Variants in PRKCH observed in about 807,000 individuals in gnomAD.
The protein encoded by PRKCH is protein kinase C eta type.
PRKCH carries 28 observed loss-of-function variants against 82.5 expected under a neutral mutation model. That is an observed-to-expected ratio of 0.34 (90% CI 0.25 to 0.47). The LOEUF is 0.47. PRKCH is among the 20% of genes least tolerant of loss of function. PRKCH has a pLI of 1.00. For synonymous variants in PRKCH, 322 were observed against 327.4 expected (o/e 0.98, Z 0.18); for missense variants, 705 against 881.8 (o/e 0.80, Z 2.54).
chr14:61,323,893 G>T (rs1050387772), intron 1 of PRKCH, among the ~76,000 whole-genome samples: 1 of 152,234 alleles, frequency 6.6e-6, no homozygotes, highest in Non-Finnish European at 1.5e-5. Flanking sequence ...CTGATTAGGA[G>T]TTAGGTCGGG....
At chr14:61,330,342 G>A (rs1167895395) in intron 1 of PRKCH, among the ~76,000 whole-genome samples, 1 of 152,166 alleles carries the variant, frequency 6.6e-6, no homozygotes, top group Non-Finnish European at 1.5e-5. Context: ...TTCCCAGAGG[G>A]ACATCGCAGA....
rs73320032 is a variant in PRKCH at position 61,418,404 on chromosome 14, T to C, written c.428-24707T>C. 1.7e-3 allele frequency among the ~76,000 whole-genome samples: 262 copies of C among 152,306 alleles called. 1 individual carries two copies. The highest frequency in any genetic ancestry group is 6.1e-3 in the African/African-American group (252 of 41,552). The stretch of plus-strand genomic sequence containing the variant: ...TAAATTTTAGCACGATGTGTAATGA[T>C]TAATGCACAGAGGATCTTTGGAATC... On this transcript the variant is annotated intron_variant, in intron 2 of 13. Coordinates refer to ENST00000332981, the MANE Select transcript of PRKCH (RefSeq NM_006255.5).
intron 1 of PRKCH, among the ~76,000 whole-genome samples, chr14:61,381,694 G>T (rs770920654): frequency 2.0e-5 from 3 of 152,352 alleles, no homozygotes; most frequent in Non-Finnish European, 4.4e-5. Flanking sequence ...CCATCCAGCG[G>T]CACATCAGGC....
chr14:61,308,803 A>G (rs1341977024), intron 1 of PRKCH, among the ~76,000 whole-genome samples: 1 of 149,372 alleles, frequency 6.7e-6, no homozygotes. Flanking sequence ...CTAGTTTTAA[A>G]TTTTTTGTAG....
At chr14:61,209,255 A>T (rs1490287286) in intron 1 of PRKCH, among the ~76,000 whole-genome samples, 1 of 147,512 alleles carries the variant, frequency 6.8e-6, no homozygotes, top group East Asian at 2.1e-4. Context: ...TAAATTACCC[A>T]GCCTGTGGTA....
At chr14:61,387,604 TATCTAAGCAAC>T (rs1402014948) in intron 1 of PRKCH, among the ~76,000 whole-genome samples, 1 of 151,960 alleles carries the variant, frequency 6.6e-6, no homozygotes, top group Non-Finnish European at 1.5e-5. Context: ...CACTGGGGGG[TATCTAAGCAAC>T]TACCGTGAAT....
intron 4 of PRKCH, among the ~76,000 whole-genome samples, chr14:61,448,746 G>A (rs1884347489): frequency 6.6e-6 from 1 of 152,198 alleles, no homozygotes; most frequent in Non-Finnish European, 1.5e-5. Flanking sequence ...GTTTTTACTG[G>A]AACAAGTAGA....
intron 10 of PRKCH, among the ~76,000 whole-genome samples, chr14:61,501,271 G>C (rs751881181): frequency 4.6e-5 from 7 of 152,076 alleles, no homozygotes; most frequent in South Asian, 4.1e-4. Flanking sequence ...TTACTTGAAA[G>C]ACAGATTCCA....
intron 1 of PRKCH, among the ~76,000 whole-genome samples, chr14:61,356,591 C>T (rs527410747): frequency 3.9e-5 from 6 of 152,188 alleles, no homozygotes; most frequent in African/African-American, 1.4e-4. Context: ...TGAACTGCAG[C>T]AGTAGTGTTA....
chr14:61,231,324 A>T (rs1482712270), intron 1 of PRKCH, among the ~76,000 whole-genome samples: 1 of 152,090 alleles, frequency 6.6e-6, no homozygotes. Context: ...AGTGCTTGGT[A>T]ACTGATCAAT....
intron 1 of PRKCH, chr14:61,306,839 A>T (rs1377997277): frequency 1.3e-5 from 2 of 152,218 alleles, no homozygotes; most frequent in Non-Finnish European, 2.9e-5. Flanking sequence ...TAGTTTGTTG[A>T]AGTTCCTTTA....
intron 1 of PRKCH, among the ~76,000 whole-genome samples, chr14:61,333,287 G>A (rs2045813237): frequency 6.6e-6 from 1 of 152,154 alleles, no homozygotes; most frequent in African/African-American, 2.4e-5. Context: ...ATGCACATAT[G>A]TGCATATTGA....
intron 1 of PRKCH, among the ~76,000 whole-genome samples, chr14:61,192,737 GCT>G (rs2044414565): frequency 6.6e-6 from 1 of 152,212 alleles, no homozygotes; most frequent in Non-Finnish European, 1.5e-5. Context: ...TGGCCATTTG[GCT>G]AAGGCCAACC....
intron 1 of PRKCH, among the ~76,000 whole-genome samples, chr14:61,377,722 A>G (rs181328269): frequency 6.6e-6 from 1 of 152,320 alleles, no homozygotes; most frequent in Admixed American, 6.5e-5. Context: ...TAGGATACCC[A>G]GGCCCCAAAC....
chr14:61,526,050 A>G (rs1361673657), intron 10 of PRKCH, among the ~76,000 whole-genome samples: 3 of 152,228 alleles, frequency 2.0e-5, no homozygotes, highest in Non-Finnish European at 2.9e-5. Context: ...AAGAACTGAG[A>G]GTGGTGGCCT....
At chr14:61,502,036 C>G (rs1886930945) in intron 10 of PRKCH, among the ~76,000 whole-genome samples, 1 of 147,994 alleles carries the variant, frequency 6.8e-6, no homozygotes, top group South Asian at 2.1e-4. Context: ...AGTAGGTAGG[C>G]AATCTTTTCT....
intron 10 of PRKCH, among the ~76,000 whole-genome samples, chr14:61,523,864 G>C (rs1035138136): frequency 6.6e-6 from 1 of 152,140 alleles, no homozygotes; most frequent in Non-Finnish European, 1.5e-5. Context: ...TCATATCCTG[G>C]ATTTGTTTCA....
At chr14:61,446,372 GC>G (rs1290950531) in intron 4 of PRKCH, among the ~76,000 whole-genome samples, 1 of 152,240 alleles carries the variant, frequency 6.6e-6, no homozygotes, top group African/African-American at 2.4e-5. Flanking sequence ...CATCAGGCTT[GC>G]CTGTCATTTG....
At chr14:61,302,659 T>C (rs962080468) in intron 1 of PRKCH, among the ~76,000 whole-genome samples, 2 of 152,244 alleles carry the variant, frequency 1.3e-5, no homozygotes, top group African/African-American at 4.8e-5. Context: ...AACTATGTTG[T>C]GGGACTTCCA....
Sources: gnomAD v4.1 joint callset for allele counts (sites outside exome capture counted in the v4.1 genomes callset) on GRCh38, gnomAD v4.1.1 for gene constraint, MANE v1.5 for transcripts, NCBI Gene and HGNC (gene_info 2026-07-23, HGNC 2026-07-21) for gene names.